The following NAA50 variants were observed in gnomAD, a reference collection of about 807,000 sequenced individuals.
NAA50 encodes the protein N-alpha-acetyltransferase 50.
In NAA50, 7 loss-of-function variants were observed where a neutral mutation model predicts 20.7. That is an observed-to-expected ratio of 0.34 (90% confidence interval 0.19 to 0.63). The LOEUF (loss-of-function observed/expected upper bound fraction) is 0.63. Ranked by LOEUF, NAA50 falls within the 30% of genes least tolerant of loss-of-function variation. The pLI is 0.75. For missense variants in NAA50, 111 were observed against 199.1 expected, an observed-to-expected ratio of 0.56 and a Z score of 2.66; for synonymous variants, 54 against 70.6, an observed-to-expected ratio of 0.77 and a Z score of 1.18.
At chr3:113,729,213 T>C (rs577487954) in intron 1 of NAA50, among the ~76,000 whole-genome samples, 33 of 152,316 alleles carry the variant, frequency 2.2e-4, no homozygotes, top group East Asian at 9.7e-4. Context: ...CTTGAAATTA[T>C]GGCCTCAAGT....
intron 1 of NAA50, among the ~76,000 whole-genome samples, chr3:113,728,264 T>C (rs1017961342): frequency 6.6e-6 from 1 of 152,238 alleles, no homozygotes; most frequent in Non-Finnish European, 1.5e-5. Flanking sequence ...ATCTAAATTT[T>C]TCTAAAGTTC....
chr3:113,724,492 A>G (rs1221075491), intron 1 of NAA50: 1 of 154,882 alleles, frequency 6.5e-6, no homozygotes, highest in Non-Finnish European at 1.4e-5. Flanking sequence ...GGAGGTATGC[A>G]ATACCATGCA....
chr3:113,744,453 G>C (rs544069820), intron 1 of NAA50, among the ~76,000 whole-genome samples: 1 of 151,092 alleles, frequency 6.6e-6, no homozygotes, highest in East Asian at 1.9e-4. Context: ...AACAGAGCCA[G>C]ACCCTGCCTC....
chr3:113,733,880 A>G (rs1210829323), intron 1 of NAA50, among the ~76,000 whole-genome samples: 1 of 149,846 alleles, frequency 6.7e-6, no homozygotes, highest in Non-Finnish European at 1.5e-5. Flanking sequence ...AAAAAAAGAC[A>G]GAAAAAATAT....
At position 113,721,733 on chromosome 3, in the gene NAA50, G is replaced by A. The variant is rs1708138242; in HGVS notation, c.*27C>T. 3.1e-6 allele frequency: 5 copies of A among 1,613,086 alleles called. No individual in the cohort carries two copies. Among genetic ancestry groups the A allele is most frequent in the Admixed American group, 3.3e-5 (2 of 59,898 alleles). The stretch of plus-strand genomic sequence containing the variant: ...CTCTCTTTTATTTGGCGACAAGCAA[G>A]TGCAAGAAAGTTCATTTGTAATTTG... On this transcript the variant is annotated 3_prime_UTR_variant, in exon 5 of 5. Coordinates refer to ENST00000240922, the MANE Select transcript of NAA50 (RefSeq NM_025146.4).
At chr3:113,735,074 C>A (rs1017135809) in intron 1 of NAA50, among the ~76,000 whole-genome samples, 1 of 152,132 alleles carries the variant, frequency 6.6e-6, no homozygotes, top group African/African-American at 2.4e-5. Context: ...TAGCATATAA[C>A]CTTTGATTAT....
rs1394406760 is a variant in NAA50, at chr3:113,746,056, G to T, written c.-107C>A. The T allele has an allele frequency of 2.7e-6, 4 of 1,454,674 alleles. No individual in the cohort carries two copies. In the African/African-American group the frequency reaches 5.7e-5, roughly 21 times the overall value. The allele number at this position is 1,454,674 out of a possible 1,614,324, so 90.1% of individuals were successfully genotyped here. A position where few individuals can be genotyped will look rare whatever the true frequency, so the allele number is the denominator to read the frequency against. On this transcript the variant is annotated 5_prime_UTR_variant, in exon 1 of 5. Transcript: ENST00000240922. ...TCGGGCCACTCAACCCCGCAAGCCG[G>T]CCTCCTAGCCTGGGCAGGGAGCTGT...
chr3:113,722,815 CAAT>C, intron 4 of NAA50, 88 bp downstream of exon 4: 1 of 1,391,658 alleles, frequency 7.2e-7, no homozygotes, highest in Non-Finnish European at 9.6e-7. Flanking sequence ...TCCAAAGGCA[CAAT>C]AAGTGACCAG....
chr3:113,722,372 T>C (rs546649490), intron 4 of NAA50, among the ~76,000 whole-genome samples: 1 of 152,280 alleles, frequency 6.6e-6, no homozygotes, highest in South Asian at 2.1e-4. Flanking sequence ...CTTTCTCAAT[T>C]ACTCCCAAAA....
At chr3:113,741,810 T>A (rs1577073736) in intron 1 of NAA50, among the ~76,000 whole-genome samples, 1 of 152,194 alleles carries the variant, frequency 6.6e-6, no homozygotes, top group Non-Finnish European at 1.5e-5. Flanking sequence ...ACACCACTAA[T>A]GGCAACACAA....
intron 1 of NAA50, among the ~76,000 whole-genome samples, chr3:113,741,502 A>T (rs1158779300): frequency 1.3e-5 from 2 of 152,258 alleles, no homozygotes; most frequent in Non-Finnish European, 2.9e-5. Flanking sequence ...TCATTTGAAT[A>T]ATTGAGAAAG....
At chr3:113,731,163 TTTC>T (rs143582747) in intron 1 of NAA50, among the ~76,000 whole-genome samples, 2,072 of 152,322 alleles carry the variant, frequency 0.014, 26 homozygotes, top group Non-Finnish European at 0.023. Context: ...TTAGTTCAGA[TTTC>T]TTGTCAATTT....
At chr3:113,734,365 C>A (rs1017734984) in intron 1 of NAA50, among the ~76,000 whole-genome samples, 2 of 152,090 alleles carry the variant, frequency 1.3e-5, no homozygotes, top group African/African-American at 4.8e-5. Context: ...GCTCACTACC[C>A]AGGTGACAAG....
At chr3:113,741,968 T>A (rs1043463427) in intron 1 of NAA50, among the ~76,000 whole-genome samples, 1 of 152,216 alleles carries the variant, frequency 6.6e-6, no homozygotes, top group Non-Finnish European at 1.5e-5. Context: ...ATAAATTTTA[T>A]TATAAATTAC....
At chr3:113,723,912 CAAAA>C in intron 2 of NAA50, 43 bp downstream of exon 2, 1 of 1,469,824 alleles carries the variant, frequency 6.8e-7, no homozygotes, top group Non-Finnish European at 9.0e-7. Context: ...GGTTCAAGAA[CAAAA>C]AGAAAGAAAA....
intron 1 of NAA50, among the ~76,000 whole-genome samples, chr3:113,733,262 A>G (rs1265666739): frequency 2.6e-5 from 4 of 152,112 alleles, no homozygotes; most frequent in Admixed American, 2.6e-4. Flanking sequence ...ATACTAATGT[A>G]AGGTGTTAGT....
At chr3:113,735,600 AG>A (rs1708331215) in intron 1 of NAA50, among the ~76,000 whole-genome samples, 3 of 152,238 alleles carry the variant, frequency 2.0e-5, no homozygotes, top group Admixed American at 2.0e-4. Context: ...CAGTAGTTTA[AG>A]ACCTTTACTC....
rs552148327 is a variant in NAA50, at chr3:113,733,340, T to C, written c.9-9245A>G. Among the ~76,000 whole-genome samples, 318 of 64,344 alleles carry C rather than the reference T, an allele frequency of 4.9e-3. 1 individual carries two copies. Among genetic ancestry groups the C allele is most frequent in the Non-Finnish European group, 7.0e-3 (194 of 27,716 alleles). The allele number at this position is 64,344 out of a possible 152,430, so 42.2% of individuals were successfully genotyped here. ...TTTCTAAAAATCTAAAACTACTCAA[T>C]TTTTTTTTTTAATTAGTGGAGGAAC... On this transcript the variant is annotated intron_variant, in intron 1 of 4. Transcript: ENST00000240922.
At chr3:113,737,011 A>G (rs963306204) in intron 1 of NAA50, among the ~76,000 whole-genome samples, 2 of 152,218 alleles carry the variant, frequency 1.3e-5, no homozygotes, top group African/African-American at 4.8e-5. Flanking sequence ...ACAGATGATG[A>G]AACTAAACCC....
Sources: allele counts gnomAD v4.1 joint callset (sites outside exome capture counted in the v4.1 genomes callset), GRCh38; gene constraint gnomAD v4.1.1; transcripts MANE v1.5; gene names NCBI Gene and HGNC (gene_info 2026-07-23, HGNC 2026-07-21).